The following AGMO variants were observed in gnomAD, a reference collection of about 807,000 sequenced individuals.
AGMO encodes glyceryl-ether monooxygenase.
Under a neutral mutation model 60.2 loss-of-function variants are expected in AGMO, and 75 were observed. That is an observed-to-expected ratio of 1.25 (90% CI 1.03 to 1.51). AGMO has a LOEUF of 1.51. AGMO is among the 40% of genes most tolerant of loss of function. AGMO has a pLI of 0.00. For missense variants in AGMO, 763 were observed against 525.5 expected (o/e 1.45, Z -4.42); for synonymous variants, 261 against 177.1 (o/e 1.47, Z -3.76).
intron 3 of AGMO, among the ~76,000 whole-genome samples, chr7:15,543,652 G>A (rs755392359): frequency 3.3e-5 from 5 of 152,006 alleles, no homozygotes; most frequent in Non-Finnish European, 5.9e-5. Flanking sequence ...TTGATATTGT[G>A]TACGTTTTTA....
At chr7:15,320,302 T>A (rs1426333496) in intron 12 of AGMO, among the ~76,000 whole-genome samples, 1 of 151,858 alleles carries the variant, frequency 6.6e-6, no homozygotes, top group Non-Finnish European at 1.5e-5. Flanking sequence ...TAAAATATAA[T>A]GTATCCTAAT....
At chr7:15,506,492 A>G (rs1205598111) in intron 3 of AGMO, among the ~76,000 whole-genome samples, 1 of 152,018 alleles carries the variant, frequency 6.6e-6, no homozygotes, top group African/African-American at 2.4e-5. Context: ...CTGGAGGACA[A>G]TTACTCCCTG....
At chr7:15,558,788 A>G (rs1785223638) in intron 2 of AGMO, among the ~76,000 whole-genome samples, 1 of 152,110 alleles carries the variant, frequency 6.6e-6, no homozygotes, top group Non-Finnish European at 1.5e-5. Flanking sequence ...ATTTTATGTA[A>G]TATATGAAAT....
chr7:15,120,441 A>G, the AGMO span, among the ~76,000 whole-genome samples: 1 of 152,236 alleles, frequency 6.6e-6, no homozygotes, highest in South Asian at 2.1e-4. Flanking sequence ...GCTAACCCCA[A>G]TGTAAGGGTA....
chr7:15,506,811 C>CAG (rs984780841), intron 3 of AGMO, among the ~76,000 whole-genome samples: 10 of 151,290 alleles, frequency 6.6e-5, no homozygotes, highest in East Asian at 1.9e-4. Flanking sequence ...CACAGACACA[C>CAG]AGAGAGAGAG....
At chr7:15,498,583 T>C (rs948036451) in intron 3 of AGMO, among the ~76,000 whole-genome samples, 13 of 151,920 alleles carry the variant, frequency 8.6e-5, no homozygotes, top group African/African-American at 1.4e-4. Flanking sequence ...CTCCAGTCAA[T>C]TGGAAAATTA....
intron 12 of AGMO, among the ~76,000 whole-genome samples, chr7:15,287,217 C>G (rs1369702922): frequency 2.0e-5 from 3 of 151,984 alleles, no homozygotes; most frequent in Non-Finnish European, 4.4e-5. Context: ...ATCCCCAAAG[C>G]TATTGAAATA....
At chr7:15,341,196 T>C (rs975996628) in intron 12 of AGMO, among the ~76,000 whole-genome samples, 6 of 152,186 alleles carry the variant, frequency 3.9e-5, no homozygotes, top group Non-Finnish European at 7.3e-5. Context: ...GCTTGAAATT[T>C]CTCTCCAGAA....
intron 12 of AGMO, among the ~76,000 whole-genome samples, chr7:15,318,984 T>C (rs1781025058): frequency 6.6e-6 from 1 of 152,148 alleles, no homozygotes; most frequent in South Asian, 2.1e-4. Flanking sequence ...CTATCTCCCT[T>C]TGTCTTCTCT....
chr7:15,533,896 T>C (rs1784425944), intron 3 of AGMO, among the ~76,000 whole-genome samples: 1 of 152,104 alleles, frequency 6.6e-6, no homozygotes, highest in African/African-American at 2.4e-5. Context: ...CATTAAAAAT[T>C]TGTTTTAAAA....
chr7:15,160,442 A>G, the AGMO span, among the ~76,000 whole-genome samples: 1 of 152,210 alleles, frequency 6.6e-6, no homozygotes, highest in Non-Finnish European at 1.5e-5. Context: ...TTCCCAAAAT[A>G]TTATTAACGA....
Position 15,499,932 on chromosome 7 carries a change from C to CACACACATAT in AGMO, c.409+44839_409+44840insATATGTGTGT, listed in dbSNP as rs146144087. On this transcript the variant is annotated intron_variant, in intron 3 of 12. Transcript: ENST00000342526. Reference sequence around the variant, plus strand: ...GCACACACACACACACACACACACACATATATATATATAATATATATATTT... The same window carrying CACACACATAT: ...GCACACACACACACACACACACACACACACACATATATATATATATATAATATATATATTT... Among the ~76,000 whole-genome samples, 1,263 of 138,896 alleles carry CACACACATAT rather than the reference C, an allele frequency of 9.1e-3. 12 individuals carry two copies. The highest frequency in any genetic ancestry group is 0.044 in the East Asian group (203 of 4,578). 91.1% of individuals were successfully genotyped at this position (138,896 alleles called of 152,430 possible).
At chr7:15,315,557 C>T (rs909019436) in intron 12 of AGMO, among the ~76,000 whole-genome samples, 21 of 151,866 alleles carry the variant, frequency 1.4e-4, no homozygotes, top group South Asian at 6.2e-4. Flanking sequence ...AGGATGGTCT[C>T]GATCTCCTGA....
rs78228828 is a variant in AGMO at position 15,222,671 on chromosome 7, C to T, written c.1264-21312G>A. Among the ~76,000 whole-genome samples, 1,024 of 152,072 alleles carry T rather than the reference C, an allele frequency of 6.7e-3. 7 individuals carry two copies. Among genetic ancestry groups the T allele is most frequent in the Non-Finnish European group, 9.7e-3 (656 of 67,926 alleles). ...TTTATAATGAACATTTTCAAACTTACAGAAAAATGGAAAGTTTGGCACTAC... is the reference window on the plus strand; with the variant it reads ...TTTATAATGAACATTTTCAAACTTATAGAAAAATGGAAAGTTTGGCACTAC... On this transcript the variant is annotated intron_variant, in intron 12 of 12. Coordinates refer to ENST00000342526, the MANE Select transcript of AGMO (RefSeq NM_001004320.2).
At chr7:15,523,301 G>C (rs1583643046) in intron 3 of AGMO, among the ~76,000 whole-genome samples, 1 of 152,120 alleles carries the variant, frequency 6.6e-6, no homozygotes, top group South Asian at 2.1e-4. Flanking sequence ...AGAACTAGAA[G>C]TACCATTTGA....
chr7:15,364,303 T>C lies in AGMO; in HGVS notation c.1263+1211A>G, dbSNP rs539605851. Reference sequence around the variant, plus strand: ...ATCTTCCTAGATATATTTACATACATACAATAAAATACATTTATATATTTA... The same window carrying C: ...ATCTTCCTAGATATATTTACATACACACAATAAAATACATTTATATATTTA... On this transcript the variant is annotated intron_variant, in intron 12 of 12. Transcript: ENST00000342526. Among the ~76,000 whole-genome samples, 12 of 152,094 alleles carry C rather than the reference T, an allele frequency of 7.9e-5. 2 individuals carry two copies. The South Asian group carries it at 2.3e-3, about 29-fold the overall frequency.
chr7:15,293,055 A>C (rs930018056), intron 12 of AGMO, among the ~76,000 whole-genome samples: 3 of 152,024 alleles, frequency 2.0e-5, no homozygotes, highest in African/African-American at 4.8e-5. Context: ...GAGCCACTGC[A>C]TCCGGCTCTT....
At chr7:15,156,172 T>C in the AGMO span, among the ~76,000 whole-genome samples, 3 of 152,124 alleles carry the variant, frequency 2.0e-5, no homozygotes, top group Non-Finnish European at 4.4e-5. Flanking sequence ...GGCGGGAGGC[T>C]ATGGGCAAGT....
intron 12 of AGMO, among the ~76,000 whole-genome samples, chr7:15,268,892 A>C (rs1007992204): frequency 3.3e-5 from 5 of 152,028 alleles, no homozygotes; most frequent in African/African-American, 1.2e-4. Context: ...AATGCATCTT[A>C]CTAGGACTTG....
Sources: allele counts gnomAD v4.1 joint callset (sites outside exome capture counted in the v4.1 genomes callset), GRCh38; gene constraint gnomAD v4.1.1; transcripts MANE v1.5; gene names NCBI Gene and HGNC (gene_info 2026-07-23, HGNC 2026-07-21).